Variants in CDH18 observed in about 807,000 individuals in gnomAD.
The protein encoded by CDH18 is cadherin-18.
Under a neutral mutation model 67.9 loss-of-function variants are expected in CDH18, and 31 were observed. That is an observed-to-expected ratio of 0.46 (90% CI 0.34 to 0.62). The LOEUF is 0.62. CDH18 is among the 20% of genes least tolerant of loss of function. The pLI is 0.01. For missense variants in CDH18, 890 were observed against 975.5 expected (o/e 0.91, Z 1.17); for synonymous variants, 362 against 347.2 (o/e 1.04, Z -0.48).
chr5:20,565,276 A>G (rs916420257), intron 1 of CDH18, among the ~76,000 whole-genome samples: 2 of 111,368 alleles, frequency 1.8e-5, no homozygotes, highest in Admixed American at 1.6e-4. Flanking sequence ...CTGATCATAG[A>G]CCTAAAGTTG....
intron 2 of CDH18, among the ~76,000 whole-genome samples, chr5:20,175,863 T>A (rs571149024): frequency 3.3e-5 from 5 of 152,172 alleles, no homozygotes; most frequent in African/African-American, 7.2e-5. Context: ...GACTCAAATG[T>A]TAATCTCCTT....
At chr5:19,820,465 T>C (rs1179849921) in intron 3 of CDH18, among the ~76,000 whole-genome samples, 6 of 152,126 alleles carry the variant, frequency 3.9e-5, no homozygotes, top group African/African-American at 1.4e-4. Context: ...CACTTCCTTG[T>C]CTAGGGATCC....
At chr5:20,241,104 C>T (rs186327897) in intron 2 of CDH18, among the ~76,000 whole-genome samples, 9 of 152,206 alleles carry the variant, frequency 5.9e-5, no homozygotes, top group Admixed American at 3.3e-4. Flanking sequence ...TACAGTCTTC[C>T]TCTGTGTAAT....
chr5:19,740,628 T>C (rs1372543270), intron 4 of CDH18, among the ~76,000 whole-genome samples: 1 of 152,150 alleles, frequency 6.6e-6, no homozygotes, highest in Non-Finnish European at 1.5e-5. Context: ...TAGTGAGTTA[T>C]GATGTGCTTT....
At chr5:19,511,500 A>G (rs1167174597) in intron 10 of CDH18, among the ~76,000 whole-genome samples, 1 of 152,138 alleles carries the variant, frequency 6.6e-6, no homozygotes, top group Admixed American at 6.6e-5. Context: ...AATGGCTTTG[A>G]CGAAAATGCA....
intron 2 of CDH18, among the ~76,000 whole-genome samples, chr5:20,249,104 T>C (rs551335559): frequency 3.3e-5 from 5 of 152,290 alleles, no homozygotes; most frequent in South Asian, 2.1e-4. Context: ...TTGTTTCTAA[T>C]ATCAACTGTA....
At chr5:19,740,686 T>TA (rs1438344622) in intron 4 of CDH18, among the ~76,000 whole-genome samples, 1 of 152,196 alleles carries the variant, frequency 6.6e-6, no homozygotes, top group African/African-American at 2.4e-5. Flanking sequence ...TTATTCATCT[T>TA]AATTTCTAAA....
At chr5:19,494,226 C>T (rs559187978) in intron 11 of CDH18, among the ~76,000 whole-genome samples, 4 of 152,196 alleles carry the variant, frequency 2.6e-5, no homozygotes, top group South Asian at 4.2e-4. Flanking sequence ...GTTTTTCCAT[C>T]GATTTATTTA....
chr5:19,521,534 G>C (rs185898737), intron 9 of CDH18, among the ~76,000 whole-genome samples: 119 of 152,098 alleles, frequency 7.8e-4, no homozygotes, highest in Non-Finnish European at 4.6e-4. Context: ...CTTTCTCTTT[G>C]CTAATGTATC....
At chr5:19,665,647 TAGAG>T (rs1757803799) in intron 5 of CDH18, among the ~76,000 whole-genome samples, 1 of 152,042 alleles carries the variant, frequency 6.6e-6, no homozygotes, top group Middle Eastern at 3.2e-3. Context: ...TATAGATGGA[TAGAG>T]AGAATGGATC....
chr5:19,687,100 C>G (rs568945950), intron 5 of CDH18, among the ~76,000 whole-genome samples: 18 of 152,300 alleles, frequency 1.2e-4, no homozygotes, highest in African/African-American at 4.1e-4. Flanking sequence ...CTGTGATCAG[C>G]TGGGAGCCTG....
chr5:19,837,626 C>T (rs946195205), intron 3 of CDH18, among the ~76,000 whole-genome samples: 25 of 151,988 alleles, frequency 1.6e-4, no homozygotes, highest in Non-Finnish European at 3.7e-4. Flanking sequence ...GTTCTATATT[C>T]TGACTCCACA....
intron 2 of CDH18, among the ~76,000 whole-genome samples, chr5:20,097,055 C>T (rs937175858): frequency 2.6e-5 from 4 of 152,068 alleles, no homozygotes; most frequent in Non-Finnish European, 4.4e-5. Context: ...TTATATATGT[C>T]TACCATTTCT....
intron 1 of CDH18, among the ~76,000 whole-genome samples, chr5:20,340,330 G>A (rs953273010): frequency 3.2e-4 from 48 of 152,224 alleles, no homozygotes; most frequent in African/African-American, 1.1e-3. Flanking sequence ...TGGCCACCTC[G>A]TCTTTTACAA....
chr5:20,047,175 G>A (rs4866044), intron 2 of CDH18, among the ~76,000 whole-genome samples: 114,701 of 151,636 alleles, frequency 0.76, 46,383 homozygotes, highest in Non-Finnish European at 0.9. Context: ...CGAGGCAGGG[G>A]TTGGGCTTAG....
chr5:20,394,052 G>C (rs552312408), intron 1 of CDH18, among the ~76,000 whole-genome samples: 12 of 151,758 alleles, frequency 7.9e-5, no homozygotes, highest in African/African-American at 2.9e-4. Context: ...AAGAATTAGA[G>C]AAAATAATCC....
chr5:19,758,418 A>C (rs904097394), intron 3 of CDH18, among the ~76,000 whole-genome samples: 1 of 152,252 alleles, frequency 6.6e-6, no homozygotes, highest in Non-Finnish European at 1.5e-5. Flanking sequence ...GGTGGCCTGC[A>C]AAAGGCTCCA....
intron 1 of CDH18, among the ~76,000 whole-genome samples, chr5:20,295,580 A>C (rs1174628714): frequency 1.3e-5 from 2 of 151,792 alleles, no homozygotes; most frequent in Non-Finnish European, 2.9e-5. Flanking sequence ...TACAAAAATT[A>C]GTTGGGCATG....
intron 10 of CDH18, among the ~76,000 whole-genome samples, chr5:19,507,845 T>C (rs1238414181): frequency 6.6e-6 from 1 of 152,034 alleles, no homozygotes; most frequent in African/African-American, 2.4e-5. Flanking sequence ...ACATGGCACA[T>C]GTATACATAT....
Sources: gnomAD v4.1 joint callset for allele counts (sites outside exome capture counted in the v4.1 genomes callset) on GRCh38, gnomAD v4.1.1 for gene constraint, MANE v1.5 for transcripts, NCBI Gene and HGNC (gene_info 2026-07-23, HGNC 2026-07-21) for gene names.